The following ANKRD42 variants were observed in gnomAD, a reference collection of about 807,000 sequenced individuals.
The protein encoded by ANKRD42 is ankyrin repeat domain-containing protein 42.
In ANKRD42, 43 loss-of-function variants were observed where a neutral mutation model predicts 51.5. That is an observed-to-expected ratio of 0.83 (90% CI 0.65 to 1.08). The LOEUF is 1.08. Ranked by LOEUF, ANKRD42 falls within the 50% of genes least tolerant of loss-of-function variation. The pLI is 0.00. For synonymous variants in ANKRD42, 203 were observed against 213.0 expected (o/e 0.95, Z 0.41); for missense variants, 608 against 629.3 (o/e 0.97, Z 0.36).
intron 5 of ANKRD42, among the ~76,000 whole-genome samples, chr11:83,222,860 C>T (rs978724535): frequency 6.6e-6 from 1 of 152,170 alleles, no homozygotes; most frequent in Middle Eastern, 3.2e-3. Context: ...TCTGCCTCAG[C>T]CTTTGAATAC....
chr11:83,243,555 C>T (rs992797533), intron 9 of ANKRD42, among the ~76,000 whole-genome samples: 1 of 152,172 alleles, frequency 6.6e-6, no homozygotes, highest in Admixed American at 6.6e-5. Flanking sequence ...TCTTTTCTGA[C>T]ATTTTTTATC....
At position 83,229,359 on chromosome 11, in the gene ANKRD42, A is replaced by G. The variant is rs968582884; in HGVS notation, c.913+1487A>G. On this transcript the variant is annotated intron_variant, in intron 7 of 10. Transcript: ENST00000533342. The stretch of plus-strand genomic sequence containing the variant: ...TGGAGGTTAGGACTTTAACATATGA[A>G]TTTTGAGGGGAACACAATTCCTCCT... Among the ~76,000 whole-genome samples, 3 of 152,160 alleles carry G rather than the reference A, an allele frequency of 2.0e-5. No individual in the cohort carries two copies. In the South Asian group the frequency reaches 6.2e-4, roughly 32 times the overall value.
chr11:83,262,032 T>C (rs557737693), downstream of ANKRD42: 28 of 1,108,628 alleles, frequency 2.5e-5, no homozygotes, highest in South Asian at 3.3e-4. Flanking sequence ...ATAAAGAGAA[T>C]AATGTTATCT....
At position 83,194,878 on chromosome 11, in the gene ANKRD42, G is replaced by C. The variant is rs903502499; in HGVS notation, c.58+150G>C. 9 of 771,206 alleles carry C rather than the reference G, an allele frequency of 1.2e-5. No individual in the cohort carries two copies. In the Admixed American group the frequency reaches 1.5e-4, roughly 13 times the overall value. 47.8% of individuals were successfully genotyped at this position (771,206 alleles called of 1,614,324 possible). A position where few individuals can be genotyped will look rare whatever the true frequency, so the allele number is the denominator to read the frequency against. ...TTTATTTTCAGGGGATACCAAAGCT[G>C]TTCAGCTCTCCCCTGTTCTGTATTA... On this transcript the variant is annotated intron_variant, in intron 1 of 10. Coordinates refer to ENST00000533342, the MANE Select transcript of ANKRD42 (RefSeq NM_001300975.2).
At chr11:83,238,578 C>G (rs867337334) in intron 8 of ANKRD42, among the ~76,000 whole-genome samples, 5 of 152,268 alleles carry the variant, frequency 3.3e-5, no homozygotes, top group Non-Finnish European at 5.9e-5. Context: ...TGCCTGTAAT[C>G]CCAGCACTTT....
At chr11:83,240,547 A>G (rs1469459586) in intron 8 of ANKRD42, among the ~76,000 whole-genome samples, 1 of 152,244 alleles carries the variant, frequency 6.6e-6, no homozygotes, top group Non-Finnish European at 1.5e-5. Context: ...TCAGTGTTTA[A>G]TATGAATAAT....
At chr11:83,200,685 A>T (rs546681359) in intron 2 of ANKRD42, among the ~76,000 whole-genome samples, 1 of 152,264 alleles carries the variant, frequency 6.6e-6, no homozygotes, top group South Asian at 2.1e-4. Flanking sequence ...ATGTTCTTAG[A>T]TTTAATTAAT....
chr11:83,209,667 C>A lies in ANKRD42; in HGVS notation c.331-633C>A, dbSNP rs1389541076. ...TGGCAAGCTGCTTTTCAGCCTCAAG[C>A]TTTACACAGCTGTCCTTACTTCCTA... On this transcript the variant is annotated intron_variant, in intron 3 of 10. Transcript: ENST00000533342. 6.5e-6 allele frequency: 5 copies of A among 774,356 alleles called. No individual in the cohort carries two copies. The East Asian group carries it at 1.2e-4, about 19-fold the overall frequency. The allele number at this position is 774,356 out of a possible 1,614,324, so 48.0% of individuals were successfully genotyped here.
At chr11:83,238,823 T>A (rs185153541) in intron 8 of ANKRD42, among the ~76,000 whole-genome samples, 96 of 149,848 alleles carry the variant, frequency 6.4e-4, no homozygotes, top group African/African-American at 2.2e-3. Flanking sequence ...AGAGCGAAAC[T>A]CTGTCTCCGA....
intron 3 of ANKRD42, among the ~76,000 whole-genome samples, chr11:83,208,854 T>C (rs1461147063): frequency 6.6e-6 from 1 of 152,066 alleles, no homozygotes; most frequent in Non-Finnish European, 1.5e-5. Context: ...TGGTAAAGTA[T>C]AGAAGAGTCT....
intron 5 of ANKRD42, chr11:83,213,505 G>A (rs1352800808): frequency 2.4e-5 from 31 of 1,306,990 alleles, no homozygotes; most frequent in Non-Finnish European, 2.8e-5. Context: ...GGCTTCCTTC[G>A]CTTTTTCAGA....
downstream of ANKRD42, chr11:83,261,802 G>A (rs207472085): frequency 4.5e-4 from 330 of 734,192 alleles, no homozygotes; most frequent in East Asian, 9.1e-4. Flanking sequence ...TATACACTTC[G>A]AATAATCTTG....
chr11:83,255,956 CCTG>C (rs1863765102), exon 12 of ANKRD42: 2 of 1,484,176 alleles, frequency 1.3e-6, no homozygotes, highest in African/African-American at 2.8e-5. Flanking sequence ...ACTAAATTGA[CCTG>C]CTAGATTTTT....
chr11:83,239,120 A>T (rs560327), intron 8 of ANKRD42, among the ~76,000 whole-genome samples: 42,083 of 152,090 alleles, frequency 0.28, 6,354 homozygotes, highest in Non-Finnish European at 0.34. Flanking sequence ...TGAAATAGGT[A>T]TGTAGTGGTA....
intron 5 of ANKRD42, among the ~76,000 whole-genome samples, chr11:83,217,043 G>A (rs940700776): frequency 1.3e-5 from 2 of 152,248 alleles, no homozygotes; most frequent in African/African-American, 4.8e-5. Flanking sequence ...GAAGCTGTGA[G>A]TTGAGCTCAT....
intron 3 of ANKRD42, among the ~76,000 whole-genome samples, chr11:83,206,744 T>C (rs1401519200): frequency 1.3e-5 from 2 of 152,214 alleles, no homozygotes; most frequent in Non-Finnish European, 2.9e-5. Context: ...TTTTGTTGTT[T>C]ATATGCTCCC....
chr11:83,212,368 A>G (rs1862357027), intron 5 of ANKRD42, among the ~76,000 whole-genome samples: 1 of 152,198 alleles, frequency 6.6e-6, no homozygotes, highest in African/African-American at 2.4e-5. Context: ...GGCAGGAGCC[A>G]CCATGCCTGG....
chr11:83,206,003 A>T (rs1862055006), intron 2 of ANKRD42, 55 bp from the exon 3 acceptor site: 1 of 1,465,086 alleles, frequency 6.8e-7, no homozygotes, highest in Non-Finnish European at 9.5e-7. Context: ...AATTTAAAAG[A>T]TAAAAATGTT....
Position 83,224,891 on chromosome 11 carries a change from T to G in ANKRD42, c.623T>G (p.Phe208Cys). ...GCCATGGAAGGCCACCTTCACTGTT[T>G]CAAATTCCTAGTCAGTAGAATGAGC... is the stretch of plus-strand genomic sequence containing the variant. ...LAAMEGHLHC[F>C]KFLVSRMSSA... The change falls in exon 6 of 11, where the codon TTC becomes TGC. Residue 208 changes from phenylalanine (F) to cysteine (C), a missense_variant. Coordinates refer to ENST00000533342, the MANE Select transcript of ANKRD42 (RefSeq NM_001300975.2). 4 of 1,606,792 alleles carry G rather than the reference T, an allele frequency of 2.5e-6. No individual in the cohort carries two copies. The highest frequency in any genetic ancestry group is 3.4e-6 in the Non-Finnish European group (4 of 1,175,392).
Sources: allele counts gnomAD v4.1 joint callset (sites outside exome capture counted in the v4.1 genomes callset), GRCh38; gene constraint gnomAD v4.1.1; transcripts MANE v1.5; gene names NCBI Gene and HGNC (gene_info 2026-07-23, HGNC 2026-07-21).